Variants in DLG2 observed in about 807,000 individuals in gnomAD.
DLG2 encodes the protein discs large MAGUK scaffold protein 2.
A neutral mutation model predicts 132.5 loss-of-function variants in DLG2; 45 were observed. The ratio of observed to expected loss-of-function variants is 0.34; its 90% confidence interval spans 0.27 to 0.44. The LOEUF is 0.44. DLG2 is among the 20% of genes least tolerant of loss of function. DLG2 has a pLI of 1.00. For missense variants in DLG2, 1,045 were observed against 1,196.9 expected, an observed-to-expected ratio of 0.87 and a Z score of 1.87; for synonymous variants, 424 against 419.6, an observed-to-expected ratio of 1.01 and a Z score of -0.13.
intron 21 of DLG2, among the ~76,000 whole-genome samples, chr11:83,530,242 C>A (rs1041615111): frequency 6.6e-6 from 1 of 151,986 alleles, no homozygotes; most frequent in African/African-American, 2.4e-5. Context: ...ATGTCACATA[C>A]CCTCACTTCT....
At chr11:84,486,461 T>C (rs1281548662) in intron 7 of DLG2, among the ~76,000 whole-genome samples, 1 of 152,160 alleles carries the variant, frequency 6.6e-6, no homozygotes, top group Non-Finnish European at 1.5e-5. Context: ...CTGCTTTTTC[T>C]TTAGGTTCTT....
intron 7 of DLG2, among the ~76,000 whole-genome samples, chr11:84,407,218 C>T (rs1027656337): frequency 1.3e-5 from 2 of 152,084 alleles, no homozygotes; most frequent in East Asian, 1.9e-4. Context: ...AAGTCTGTCT[C>T]GCTTTTGTTT....
intron 10 of DLG2, among the ~76,000 whole-genome samples, chr11:84,089,109 T>C (rs904951780): frequency 6.6e-6 from 1 of 152,108 alleles, no homozygotes; most frequent in African/African-American, 2.4e-5. Flanking sequence ...CTCATGACAG[T>C]TCAGTATGGA....
chr11:83,633,293 G>A lies in DLG2; in HGVS notation c.1858C>T (p.Leu620=), dbSNP rs775841276. 6.2e-7 allele frequency: 1 copy of A among 1,613,614 alleles called. No individual in the cohort carries two copies. The highest frequency in any genetic ancestry group is 8.5e-7 in the Non-Finnish European group (1 of 1,179,708). ...YARFEAKIHD[L]REQMMNHSMS... ...CTGTGGTTCATCATCTGCTCTCGTA[G>A]GTCATGGATTTTGGCCTCAAATCGA... Residue 620 remains leucine (L), a synonymous_variant, in exon 19 of 28, where the codon CTA becomes TTA. Transcript: ENST00000376104.
chr11:84,382,472 A>C (rs1252637301), intron 7 of DLG2, among the ~76,000 whole-genome samples: 1 of 152,152 alleles, frequency 6.6e-6, no homozygotes, highest in African/African-American at 2.4e-5. Flanking sequence ...AGTAGAAAAC[A>C]ATCAAGAGGC....
At chr11:83,593,908 AT>A (rs1412155605) in intron 19 of DLG2, among the ~76,000 whole-genome samples, 3 of 152,154 alleles carry the variant, frequency 2.0e-5, no homozygotes, top group Non-Finnish European at 4.4e-5. Flanking sequence ...CCTTTTCTCC[AT>A]ATAGCATTGA....
intron 7 of DLG2, among the ~76,000 whole-genome samples, chr11:84,374,195 G>T (rs1183367212): frequency 6.6e-6 from 1 of 152,116 alleles, no homozygotes; most frequent in African/African-American, 2.4e-5. Flanking sequence ...GCCTCCACAT[G>T]CCTGAAATCA....
chr11:84,828,743 C>A (rs185727332), intron 6 of DLG2, among the ~76,000 whole-genome samples: 43 of 151,888 alleles, frequency 2.8e-4, no homozygotes, highest in Non-Finnish European at 5.9e-4. Context: ...AAATACAATT[C>A]TAGCCCAGTA....
rs1305163116 is a variant in DLG2, at chr11:83,541,730, A to G, written c.2069T>C (p.Met690Thr). The G allele has an allele frequency of 6.2e-6, 10 of 1,612,936 alleles. No individual in the cohort carries two copies. The highest frequency in any genetic ancestry group is 2.2e-5 in the East Asian group (1 of 44,798). Residue 690 changes from methionine to threonine, a missense_variant, in exon 20 of 28, where the codon ATG (methionine) becomes ACG (threonine). By Grantham distance (81) the Met-to-Thr change is moderately conservative (BLOSUM62 -1). This residue lies in a region of DLG2 where 398 missense variants were observed against 543.6 expected (regional missense o/e 0.73). Transcript: ENST00000376104. ...CATCTCCTCACTGTCTCCCTCCAGC[A>G]TGACTCTCCTGGCTTGCCACCACTC... ...DDEWWQARRV[M>T]LEGDSEEMGV... is the part of the protein sequence containing the mutation.
At chr11:84,857,487 G>C (rs1211021878) in intron 6 of DLG2, among the ~76,000 whole-genome samples, 1 of 151,632 alleles carries the variant, frequency 6.6e-6, no homozygotes, top group African/African-American at 2.4e-5. Flanking sequence ...ATCAGTCTAT[G>C]GAAAAGAGAA....
At chr11:84,552,105 A>G (rs940616638) in intron 6 of DLG2, among the ~76,000 whole-genome samples, 3 of 152,160 alleles carry the variant, frequency 2.0e-5, no homozygotes, top group Non-Finnish European at 4.4e-5. Flanking sequence ...TGGCACATAG[A>G]AGAGGTTTAG....
At chr11:84,259,489 T>G (rs986014483) in intron 7 of DLG2, among the ~76,000 whole-genome samples, 7 of 152,110 alleles carry the variant, frequency 4.6e-5, no homozygotes, top group African/African-American at 1.7e-4. Flanking sequence ...ATAAGACCGC[T>G]GGACTTACTG....
chr11:85,503,089 T>G (rs994970469), intron 3 of DLG2, among the ~76,000 whole-genome samples: 1 of 152,134 alleles, frequency 6.6e-6, no homozygotes, highest in Non-Finnish European at 1.5e-5. Flanking sequence ...CATAAAGTAT[T>G]ATTCAATTTA....
At chr11:84,182,458 G>A (rs1296339800) in intron 8 of DLG2, among the ~76,000 whole-genome samples, 1 of 151,810 alleles carries the variant, frequency 6.6e-6, no homozygotes, top group African/African-American at 2.4e-5. Flanking sequence ...GTGCCCAGGA[G>A]GTTGAGGCTA....
chr11:84,556,782 T>A (rs547030353), intron 6 of DLG2, among the ~76,000 whole-genome samples: 63 of 152,352 alleles, frequency 4.1e-4, no homozygotes, highest in African/African-American at 1.5e-3. Context: ...TGTGTTCTTA[T>A]CATTTAGCTC....
At chr11:85,285,497 G>T (rs1304312636) in intron 3 of DLG2, 132 bp from the exon 4 acceptor site, 1 of 735,526 alleles carries the variant, frequency 1.4e-6, no homozygotes, top group Non-Finnish European at 2.1e-6. Flanking sequence ...ATATCCCAAA[G>T]TAAAACAGAA....
At chr11:85,453,159 T>A in intron 3 of DLG2, 1 of 294,584 alleles carries the variant, frequency 3.4e-6, no homozygotes, top group Non-Finnish European at 6.7e-6. Context: ...TATTTCTCTT[T>A]TCCTTCTGAT....
In DLG2 at chr11:84,273,147, T is replaced by C. The variant is rs767546004; in HGVS notation, c.520-21856A>G. ...CTAGGAAAATAAAAGAAAATTTTCCTTACCGGAATAAATGCATGTTGCATA... is the reference window on the plus strand; with the variant it reads ...CTAGGAAAATAAAAGAAAATTTTCCCTACCGGAATAAATGCATGTTGCATA... On this transcript the variant is annotated intron_variant, in intron 7 of 27. Coordinates refer to ENST00000376104, the MANE Select transcript of DLG2 (RefSeq NM_001142699.3). 5 of 1,512,010 alleles carry C rather than the reference T, an allele frequency of 3.3e-6. No individual in the cohort carries two copies. The South Asian group carries it at 6.6e-5, about 20-fold the overall frequency. 93.7% of individuals were successfully genotyped at this position (1,512,010 alleles called of 1,614,324 possible).
intron 3 of DLG2, among the ~76,000 whole-genome samples, chr11:85,525,789 T>C (rs1302485223): frequency 6.6e-6 from 1 of 152,202 alleles, no homozygotes; most frequent in Non-Finnish European, 1.5e-5. Flanking sequence ...TTTATGCATG[T>C]AGTCTCTCTG....
Sources: allele counts gnomAD v4.1 joint callset (sites outside exome capture counted in the v4.1 genomes callset), GRCh38; gene constraint gnomAD v4.1.1; regional missense constraint gnomAD v4.1.1; transcripts MANE v1.5; gene names NCBI Gene and HGNC (gene_info 2026-07-23, HGNC 2026-07-21).